The following CDH10 variants were observed in gnomAD, a reference collection of about 807,000 sequenced individuals.
CDH10 encodes the protein cadherin-10.
In CDH10, 30 loss-of-function variants were observed where a neutral mutation model predicts 73.1. That is an observed-to-expected ratio of 0.41 (90% confidence interval 0.31 to 0.56). The LOEUF (loss-of-function observed/expected upper bound fraction) is 0.56, where lower values mean the gene tolerates loss of function less well. CDH10 is among the 20% of genes least tolerant of loss of function. CDH10 has a pLI of 0.27. For synonymous variants in CDH10, 345 were observed against 348.2 expected (o/e 0.99, Z 0.10); for missense variants, 815 against 973.7 (o/e 0.84, Z 2.17).
At chr5:24,588,973 T>A (rs981507850) in intron 2 of CDH10, among the ~76,000 whole-genome samples, 2 of 152,142 alleles carry the variant, frequency 1.3e-5, no homozygotes, top group African/African-American at 4.8e-5. Context: ...AAATAGGACA[T>A]GGGAATATTT....
chr5:24,596,408 C>A (rs929920993), intron 1 of CDH10, among the ~76,000 whole-genome samples: 2 of 151,504 alleles, frequency 1.3e-5, no homozygotes, highest in African/African-American at 4.8e-5. Context: ...CTATTTTAAA[C>A]GATTATCATT....
chr5:24,495,715 T>C (rs145184053), intron 9 of CDH10, among the ~76,000 whole-genome samples: 3 of 151,942 alleles, frequency 2.0e-5, no homozygotes, highest in African/African-American at 4.8e-5. Context: ...GGCGTGGTGG[T>C]GCGCACCTGC....
intron 2 of CDH10, among the ~76,000 whole-genome samples, chr5:24,551,413 ATTT>A (rs1170742617): frequency 6.6e-6 from 1 of 152,048 alleles, no homozygotes; most frequent in Non-Finnish European, 1.5e-5. Context: ...AGTTTGAGGT[ATTT>A]TTTTAACATT....
At chr5:24,599,275 A>G (rs1032621450) in intron 1 of CDH10, among the ~76,000 whole-genome samples, 1 of 152,134 alleles carries the variant, frequency 6.6e-6, no homozygotes, top group Non-Finnish European at 1.5e-5. Flanking sequence ...TCTGGTACCC[A>G]GTTTTCTTTG....
chr5:24,599,456 A>G (rs1476756822), intron 1 of CDH10, among the ~76,000 whole-genome samples: 1 of 152,162 alleles, frequency 6.6e-6, no homozygotes, highest in East Asian at 1.9e-4. Flanking sequence ...TCCATTAAAG[A>G]TTATTTTTCT....
intron 2 of CDH10, among the ~76,000 whole-genome samples, chr5:24,562,260 C>T (rs1027426497): frequency 6.6e-6 from 1 of 152,042 alleles, no homozygotes; most frequent in African/African-American, 2.4e-5. Context: ...TAATTTAAAA[C>T]ATTCCTCTTA....
intron 1 of CDH10, among the ~76,000 whole-genome samples, chr5:24,641,268 C>G (rs1427419811): frequency 6.6e-6 from 1 of 151,720 alleles, no homozygotes; most frequent in Non-Finnish European, 1.5e-5. Context: ...CACAGGCGAC[C>G]CAGAGCTGAT....
chr5:24,564,392 G>A (rs1470163082), intron 2 of CDH10, among the ~76,000 whole-genome samples: 1 of 152,136 alleles, frequency 6.6e-6, no homozygotes, highest in African/African-American at 2.4e-5. Context: ...GGTCTACATG[G>A]TGTGTTTTCA....
chr5:24,631,723 T>C (rs1367844243), intron 1 of CDH10, among the ~76,000 whole-genome samples: 1 of 152,024 alleles, frequency 6.6e-6, no homozygotes, highest in Non-Finnish European at 1.5e-5. Context: ...TCCTACTATA[T>C]TTCCATTTCA....
At chr5:24,615,010 G>C (rs750341016) in intron 1 of CDH10, among the ~76,000 whole-genome samples, 1 of 152,130 alleles carries the variant, frequency 6.6e-6, no homozygotes, top group Non-Finnish European at 1.5e-5. Context: ...TGTCTCTGGT[G>C]AGTGTGGCCA....
chr5:24,491,452 A>G, intron 11 of CDH10, 124 bp downstream of exon 11: 1 of 707,858 alleles, frequency 1.4e-6, no homozygotes. Context: ...GAATATCACA[A>G]AGTTAATTTA....
intron 1 of CDH10, among the ~76,000 whole-genome samples, chr5:24,642,973 C>T (rs918132448): frequency 1.6e-5 from 1 of 62,366 alleles, no homozygotes. Flanking sequence ...TTTAATAACA[C>T]AGCCAAAAAA....
At chr5:24,612,829 C>T (rs1490522043) in intron 1 of CDH10, 1 of 152,112 alleles carries the variant, frequency 6.6e-6, no homozygotes, top group Non-Finnish European at 1.5e-5. Context: ...AAATGTAAGG[C>T]AGTTTTTCAA....
At chr5:24,613,465 A>G (rs1266146906) in intron 1 of CDH10, among the ~76,000 whole-genome samples, 1 of 125,000 alleles carries the variant, frequency 8.0e-6, no homozygotes, top group Non-Finnish European at 1.6e-5. Context: ...ATTTTCCTTC[A>G]TTGTTTTCAC....
chr5:24,504,454 G>GAA (rs1742607662), intron 8 of CDH10, among the ~76,000 whole-genome samples: 2 of 141,438 alleles, frequency 1.4e-5, no homozygotes, highest in Non-Finnish European at 3.0e-5. Flanking sequence ...CTTTCTTTGT[G>GAA]AGAGCTCCTG....
At chr5:24,576,197 A>C (rs1475125304) in intron 2 of CDH10, among the ~76,000 whole-genome samples, 2 of 152,160 alleles carry the variant, frequency 1.3e-5, no homozygotes, top group Admixed American at 6.5e-5. Flanking sequence ...GCTATAAACC[A>C]AAATTAAATT....
intron 1 of CDH10, among the ~76,000 whole-genome samples, chr5:24,626,873 T>G (rs1243487032): frequency 1.2e-5 from 1 of 81,108 alleles, no homozygotes; most frequent in African/African-American, 2.9e-5. Context: ...TGTGTATATA[T>G]AAGTGTATAT....
At chr5:24,565,458 C>T (rs921800442) in intron 2 of CDH10, among the ~76,000 whole-genome samples, 5 of 152,152 alleles carry the variant, frequency 3.3e-5, no homozygotes, top group African/African-American at 9.6e-5. Flanking sequence ...TATGTAAAAT[C>T]TCTACACTAA....
chr5:24,574,282 C>T (rs1285894785), intron 2 of CDH10, among the ~76,000 whole-genome samples: 1 of 152,096 alleles, frequency 6.6e-6, no homozygotes, highest in Admixed American at 6.5e-5. Flanking sequence ...CCAAATATGT[C>T]ACTTTTTTCA....
Sources: allele counts gnomAD v4.1 joint callset (sites outside exome capture counted in the v4.1 genomes callset), GRCh38; gene constraint gnomAD v4.1.1; transcripts MANE v1.5; gene names NCBI Gene and HGNC (gene_info 2026-07-23, HGNC 2026-07-21).